Variants in MAGI2 observed in about 807,000 individuals in gnomAD.
The protein encoded by MAGI2 is membrane associated guanylate kinase, WW and PDZ domain containing 2, also known as membrane-associated guanylate kinase, WW and PDZ domain-containing protein 2.
A neutral mutation model predicts 133.3 loss-of-function variants in MAGI2; 35 were observed. The observed-to-expected ratio is 0.26, with a 90% CI of 0.20 to 0.35. MAGI2 has a LOEUF of 0.35. MAGI2 is among the 10% of genes least tolerant of loss of function. The probability of loss-of-function intolerance (pLI) is 1.00; values close to 1 mark genes in which losing one functional copy is unlikely to be tolerated. For synonymous variants in MAGI2, 729 were observed against 710.6 expected (o/e 1.03, Z -0.41); for missense variants, 1,636 against 1,863.4 (o/e 0.88, Z 2.25).
chr7:78,172,564 AAGTAT>A (rs1449864697), intron 14 of MAGI2, among the ~76,000 whole-genome samples: 2 of 152,222 alleles, frequency 1.3e-5, no homozygotes, highest in African/African-American at 4.8e-5. Flanking sequence ...TAACTGTGAA[AAGTAT>A]TTCCTCTTGC....
At chr7:79,303,988 CA>C (rs1837572511) in intron 1 of MAGI2, among the ~76,000 whole-genome samples, 2 of 151,990 alleles carry the variant, frequency 1.3e-5, no homozygotes, top group African/African-American at 4.8e-5. Flanking sequence ...TGATAGTCAA[CA>C]AAATTGGTCC....
rs1269123284 is a variant in MAGI2, at chr7:78,573,035, G to GTGTA, written c.539-51391_539-51390insTACA. Among the ~76,000 whole-genome samples the GTGTA allele has an allele frequency of 7.2e-3, 229 of 31,650 alleles. 4 individuals carry two copies. Among genetic ancestry groups the GTGTA allele is most frequent in the Non-Finnish European group, 0.011 (203 of 18,750 alleles). The allele number at this position is 31,650 out of a possible 152,430, so 20.8% of individuals were successfully genotyped here. A position where few individuals can be genotyped will look rare whatever the true frequency, so the allele number is the denominator to read the frequency against. ...ATAGGATATATATATGCATATGTATGTATATATATATATATATATATATAT... is the reference window on the plus strand; with the variant it reads ...ATAGGATATATATATGCATATGTATGTGTATATATATATATATATATATATATAT... On this transcript the variant is annotated intron_variant, in intron 3 of 21. Coordinates refer to ENST00000354212, the MANE Select transcript of MAGI2 (RefSeq NM_012301.4).
intron 2 of MAGI2, among the ~76,000 whole-genome samples, chr7:78,802,663 A>T (rs557432106): frequency 1.6e-4 from 24 of 152,142 alleles, no homozygotes; most frequent in Non-Finnish European, 2.5e-4. Flanking sequence ...CCTGACCATG[A>T]ATGACATCCT....
intron 6 of MAGI2, among the ~76,000 whole-genome samples, chr7:78,390,357 G>A (rs78051120): frequency 0.069 from 10,517 of 152,266 alleles, 396 homozygotes; most frequent in South Asian, 0.096. Context: ...TGGCACAGCA[G>A]AGAGAAATAT....
At chr7:78,612,968 C>A (rs943856173) in intron 3 of MAGI2, among the ~76,000 whole-genome samples, 23 of 152,030 alleles carry the variant, frequency 1.5e-4, no homozygotes, top group African/African-American at 5.3e-4. Context: ...CCGCGCCAGG[C>A]CGAAAATGAC....
At chr7:79,339,908 T>C (rs756805310) in intron 1 of MAGI2, among the ~76,000 whole-genome samples, 5 of 152,084 alleles carry the variant, frequency 3.3e-5, no homozygotes, top group Admixed American at 1.3e-4. Context: ...AATATGATCT[T>C]TTTGGTTGGC....
chr7:78,135,340 A>G, intron 16 of MAGI2, 134 bp from the exon 17 acceptor site: 1 of 745,214 alleles, frequency 1.3e-6, no homozygotes, highest in East Asian at 2.7e-5. Context: ...AAATCACACT[A>G]ATTTCTATCA....
At chr7:79,001,560 T>C (rs559415644) in intron 2 of MAGI2, among the ~76,000 whole-genome samples, 1 of 152,304 alleles carries the variant, frequency 6.6e-6, no homozygotes, top group South Asian at 2.1e-4. Context: ...ACTTTACCAA[T>C]AAACAGCCGT....
intron 6 of MAGI2, among the ~76,000 whole-genome samples, chr7:78,418,479 T>C (rs1371958441): frequency 6.6e-6 from 1 of 152,128 alleles, no homozygotes; most frequent in Non-Finnish European, 1.5e-5. Flanking sequence ...GAATCTTCTA[T>C]GATGATGGAA....
At chr7:79,424,331 A>C (rs538189961) in intron 1 of MAGI2, among the ~76,000 whole-genome samples, 1 of 151,998 alleles carries the variant, frequency 6.6e-6, no homozygotes, top group South Asian at 2.1e-4. Context: ...ATACTGCATG[A>C]TCTTATTCAT....
intron 3 of MAGI2, among the ~76,000 whole-genome samples, chr7:78,611,387 G>A (rs1379428421): frequency 1.3e-5 from 2 of 152,146 alleles, no homozygotes; most frequent in Non-Finnish European, 2.9e-5. Context: ...GGTACATAGA[G>A]CCCTCTTAGT....
intron 6 of MAGI2, among the ~76,000 whole-genome samples, chr7:78,476,656 T>C (rs10241491): frequency 0.22 from 33,318 of 151,730 alleles, 4,150 homozygotes; most frequent in African/African-American, 0.35. Flanking sequence ...CTCTTTGTTG[T>C]CTGAGGGCAA....
chr7:79,100,278 A>G (rs192942804), intron 1 of MAGI2, among the ~76,000 whole-genome samples: 8 of 152,268 alleles, frequency 5.3e-5, no homozygotes, highest in Admixed American at 4.6e-4. Context: ...AACTGCCTAC[A>G]TAAATATGCC....
chr7:78,917,755 A>G (rs979766135), intron 2 of MAGI2, among the ~76,000 whole-genome samples: 1 of 152,126 alleles, frequency 6.6e-6, no homozygotes, highest in Non-Finnish European at 1.5e-5. Flanking sequence ...GGGTGCTCAC[A>G]ACCTCCTCCT....
At chr7:78,196,080 G>C (rs1486813055) in intron 11 of MAGI2, among the ~76,000 whole-genome samples, 1 of 152,122 alleles carries the variant, frequency 6.6e-6, no homozygotes, top group Non-Finnish European at 1.5e-5. Flanking sequence ...TTGGCTGATG[G>C]GCTGGCTTCT....
At chr7:78,397,347 A>G (rs975840569) in intron 6 of MAGI2, among the ~76,000 whole-genome samples, 2 of 143,528 alleles carry the variant, frequency 1.4e-5, no homozygotes, top group African/African-American at 2.6e-5. Context: ...AAAATGTATA[A>G]TATCACATTT....
At chr7:79,150,531 T>A (rs576563458) in intron 1 of MAGI2, among the ~76,000 whole-genome samples, 2 of 152,226 alleles carry the variant, frequency 1.3e-5, no homozygotes, top group African/African-American at 4.8e-5. Flanking sequence ...CTCATTTGTC[T>A]CTGTATAAAA....
At chr7:79,134,676 T>C (rs964777584) in intron 1 of MAGI2, among the ~76,000 whole-genome samples, 5 of 152,260 alleles carry the variant, frequency 3.3e-5, no homozygotes, top group African/African-American at 7.2e-5. Context: ...GAATTCTATG[T>C]TCTAATATTG....
chr7:78,598,818 A>G (rs1005876167), intron 3 of MAGI2, among the ~76,000 whole-genome samples: 1 of 152,180 alleles, frequency 6.6e-6, no homozygotes, highest in Non-Finnish European at 1.5e-5. Context: ...AAGTTAGTAA[A>G]CATGTTTCTG....
Sources: allele counts gnomAD v4.1 joint callset (sites outside exome capture counted in the v4.1 genomes callset), GRCh38; gene constraint gnomAD v4.1.1; transcripts MANE v1.5; gene names NCBI Gene and HGNC (gene_info 2026-07-23, HGNC 2026-07-21).